The following NXPH2 variants were observed in gnomAD, a reference collection of about 807,000 sequenced individuals.
The protein encoded by NXPH2 is neurexophilin 2.
A neutral mutation model predicts 19.8 loss-of-function variants in NXPH2; 5 were observed. The observed-to-expected ratio is 0.25, with a 90% CI of 0.13 to 0.53. The LOEUF (loss-of-function observed/expected upper bound fraction) is 0.53. NXPH2 is among the 20% of genes least tolerant of loss of function. The pLI is 0.96. For missense variants in NXPH2, 289 were observed against 322.8 expected (o/e 0.90, Z 0.80); for synonymous variants, 154 against 127.4 (o/e 1.21, Z -1.41).
intron 1 of NXPH2, among the ~76,000 whole-genome samples, chr2:138,746,373 G>A (rs774858794): frequency 2.6e-5 from 4 of 152,162 alleles, no homozygotes; most frequent in Non-Finnish European, 5.9e-5. Context: ...CCAGGCACCT[G>A]GGGACATGAC....
chr2:138,737,891 T>C (rs928148231), intron 1 of NXPH2, among the ~76,000 whole-genome samples: 1 of 152,198 alleles, frequency 6.6e-6, no homozygotes, highest in Non-Finnish European at 1.5e-5. Flanking sequence ...ACTCATTGCC[T>C]TGTTAAACAG....
intron 1 of NXPH2, among the ~76,000 whole-genome samples, chr2:138,722,541 A>C (rs1318045738): frequency 6.6e-6 from 1 of 152,212 alleles, no homozygotes; most frequent in Non-Finnish European, 1.5e-5. Context: ...GGCACCATCT[A>C]ACTGGCTTGA....
At chr2:138,704,183 A>G (rs1288114881) in intron 1 of NXPH2, among the ~76,000 whole-genome samples, 1 of 152,200 alleles carries the variant, frequency 6.6e-6, no homozygotes, top group Non-Finnish European at 1.5e-5. Flanking sequence ...CACCCGAACT[A>G]TATGTCAATG....
At chr2:138,721,307 C>G (rs994409564) in intron 1 of NXPH2, among the ~76,000 whole-genome samples, 10 of 151,454 alleles carry the variant, frequency 6.6e-5, no homozygotes, top group African/African-American at 2.4e-4. Flanking sequence ...CACCACTGCA[C>G]TCCAAGCTGG....
At chr2:138,686,020 A>T (rs1397913958) in intron 1 of NXPH2, among the ~76,000 whole-genome samples, 1 of 152,206 alleles carries the variant, frequency 6.6e-6, no homozygotes, top group African/African-American at 2.4e-5. Context: ...ACCTAACAAA[A>T]ATTGAAAAAA....
intron 1 of NXPH2, among the ~76,000 whole-genome samples, chr2:138,769,271 T>C (rs958903035): frequency 2.0e-5 from 3 of 152,132 alleles, no homozygotes; most frequent in African/African-American, 7.2e-5. Context: ...GAGTTTACAA[T>C]GGGACTTGGA....
At chr2:138,732,473 C>T (rs1681467008) in intron 1 of NXPH2, among the ~76,000 whole-genome samples, 2 of 152,102 alleles carry the variant, frequency 1.3e-5, no homozygotes, top group South Asian at 4.1e-4. Flanking sequence ...GAGATGATCT[C>T]CTCTGAAATC....
chr2:138,691,438 T>C (rs1357593681), intron 1 of NXPH2, among the ~76,000 whole-genome samples: 1 of 152,212 alleles, frequency 6.6e-6, no homozygotes, highest in Non-Finnish European at 1.5e-5. Flanking sequence ...CATATATTAA[T>C]TGACAGTCTT....
At chr2:138,740,879 TG>T (rs1681632271) in intron 1 of NXPH2, among the ~76,000 whole-genome samples, 1 of 145,610 alleles carries the variant, frequency 6.9e-6, no homozygotes. Flanking sequence ...CACAGAAATA[TG>T]GGGGAAAAGT....
chr2:138,723,597 C>T (rs1681311848), intron 1 of NXPH2, among the ~76,000 whole-genome samples: 1 of 152,172 alleles, frequency 6.6e-6, no homozygotes, highest in Non-Finnish European at 1.5e-5. Flanking sequence ...ATCTCACAGG[C>T]CCCCTGGCTT....
chr2:138,725,017 T>C (rs1014999377), intron 1 of NXPH2, among the ~76,000 whole-genome samples: 6 of 152,230 alleles, frequency 3.9e-5, no homozygotes, highest in Non-Finnish European at 7.3e-5. Context: ...CAACTCAGTA[T>C]TTTCTGCATT....
At chr2:138,674,036 GGCA>G in intron 1 of NXPH2, among the ~76,000 whole-genome samples, 1 of 151,968 alleles carries the variant, frequency 6.6e-6, no homozygotes, top group Non-Finnish European at 1.5e-5. Context: ...CCAGGCTGGA[GGCA>G]TAATCATAGC....
intron 1 of NXPH2, among the ~76,000 whole-genome samples, chr2:138,778,275 G>A (rs1301908085): frequency 6.6e-6 from 1 of 152,150 alleles, no homozygotes; most frequent in Non-Finnish European, 1.5e-5. Flanking sequence ...CCATGATAAA[G>A]TGCTCCAGGA....
intron 1 of NXPH2, among the ~76,000 whole-genome samples, chr2:138,728,636 A>G (rs1173048716): frequency 2.6e-5 from 4 of 152,228 alleles, no homozygotes; most frequent in Non-Finnish European, 5.9e-5. Context: ...TTAAGGCATA[A>G]ATAATGCTTA....
chr2:138,778,725 A>G (rs1406129660), intron 1 of NXPH2, among the ~76,000 whole-genome samples: 1 of 152,224 alleles, frequency 6.6e-6, no homozygotes, highest in East Asian at 1.9e-4. Context: ...TAGAATCCAG[A>G]CTAAAAAATT....
chr2:138,676,201 A>G (rs1284832559), intron 1 of NXPH2, among the ~76,000 whole-genome samples: 2 of 152,208 alleles, frequency 1.3e-5, no homozygotes, highest in Non-Finnish European at 2.9e-5. Flanking sequence ...TACTGGTAGA[A>G]GAATATAATG....
rs150086703 is a variant in NXPH2 at position 138,692,540 on chromosome 2, C to G, written c.52-20875G>C. ...TAAAGAGAATTCTTGAAGATTAATCCTAAATGTCCGCTGAAGATGAAAATG... is the reference window on the plus strand; with the variant it reads ...TAAAGAGAATTCTTGAAGATTAATCGTAAATGTCCGCTGAAGATGAAAATG... On this transcript the variant is annotated intron_variant, in intron 1 of 1. Coordinates refer to ENST00000272641, the MANE Select transcript of NXPH2 (RefSeq NM_007226.3). 1.3e-3 allele frequency among the ~76,000 whole-genome samples: 202 copies of G among 152,192 alleles called. 5 individuals are homozygous for G. In the East Asian group the frequency reaches 0.037, roughly 28 times the overall value.
chr2:138,771,711 T>G (rs966226797), intron 1 of NXPH2, among the ~76,000 whole-genome samples: 3 of 152,102 alleles, frequency 2.0e-5, no homozygotes, highest in African/African-American at 7.2e-5. Context: ...AGATTATCTG[T>G]TTCACCTCAG....
intron 1 of NXPH2, among the ~76,000 whole-genome samples, chr2:138,688,841 G>A (rs1055867059): frequency 2.0e-5 from 3 of 151,754 alleles, no homozygotes; most frequent in Admixed American, 6.6e-5. Context: ...CCCAACCCCC[G>A]GCCGAAACTG....
Sources: allele counts gnomAD v4.1 joint callset (sites outside exome capture counted in the v4.1 genomes callset), GRCh38; gene constraint gnomAD v4.1.1; transcripts MANE v1.5; gene names NCBI Gene and HGNC (gene_info 2026-07-23, HGNC 2026-07-21).